Variants in FKBP9 observed in about 807,000 individuals in gnomAD.
The protein encoded by FKBP9 is FKBP prolyl isomerase 9, also known as peptidyl-prolyl cis-trans isomerase FKBP9.
A neutral mutation model predicts 55.6 loss-of-function variants in FKBP9; 27 were observed. The observed-to-expected ratio is 0.49, with a 90% CI of 0.36 to 0.67. The LOEUF is 0.67. FKBP9 is among the 30% of genes least tolerant of loss of function. FKBP9 has a pLI of 0.00. For missense variants in FKBP9, 539 were observed against 742.8 expected (o/e 0.73, Z 3.19); for synonymous variants, 267 against 296.5 (o/e 0.90, Z 1.02).
Position 33,006,877 on chromosome 7 carries a change from T to C in FKBP9, c.*1526T>C, listed in dbSNP as rs1785052047. ...ATGAAAATGCTGTGCACTCATTCCA[T>C]GGAATAAATGTTGGAAAGCTGATCT... On this transcript the variant is annotated 3_prime_UTR_variant, in exon 10 of 10. Transcript: ENST00000242209. 1 of 188,074 alleles carries C rather than the reference T, an allele frequency of 5.3e-6. No homozygotes were observed. The highest frequency in any genetic ancestry group is 1.9e-4 in the South Asian group (1 of 5,156). 11.7% of individuals were successfully genotyped at this position (188,074 alleles called of 1,614,324 possible).
chr7:32,958,048 G>A (rs192973933), intron 1 of FKBP9, among the ~76,000 whole-genome samples: 1 of 152,330 alleles, frequency 6.6e-6, no homozygotes, highest in Admixed American at 6.5e-5. Flanking sequence ...GGCAGACCAC[G>A]TCCTCCCTTT....
chr7:32,987,195 C>T (rs990020990), intron 5 of FKBP9, among the ~76,000 whole-genome samples: 6 of 152,010 alleles, frequency 3.9e-5, no homozygotes, highest in African/African-American at 1.4e-4. Context: ...GCTTTCCTGG[C>T]GATCGGAATC....
At chr7:32,998,334 AAG>A (rs1784857147) in intron 7 of FKBP9, among the ~76,000 whole-genome samples, 1 of 151,982 alleles carries the variant, frequency 6.6e-6, no homozygotes, top group Non-Finnish European at 1.5e-5. Context: ...AGGCTGAGGA[AAG>A]GGGAAGTGGG....
intron 5 of FKBP9, among the ~76,000 whole-genome samples, chr7:32,980,766 G>A (rs911327498): frequency 6.6e-6 from 1 of 151,306 alleles, no homozygotes; most frequent in African/African-American, 2.4e-5. Flanking sequence ...GTCTCGTTCT[G>A]TCATCCAGTG....
intron 5 of FKBP9, among the ~76,000 whole-genome samples, chr7:32,985,908 G>A (rs1341800838): frequency 6.6e-6 from 1 of 152,102 alleles, no homozygotes; most frequent in Non-Finnish European, 1.5e-5. Context: ...CAGGAGAATC[G>A]CTTGAACCCA....
rs184646728 is a variant in FKBP9, at chr7:32,983,326, T to C, written c.893+2773T>C. ...GGTGTGAGCCACTGCGCCCTGCCTT[T>C]TTTTTTGAGACAGTATCTTGCTTTG... On this transcript the variant is annotated intron_variant, in intron 5 of 9. Transcript: ENST00000242209. Among the ~76,000 whole-genome samples, 309 of 151,174 alleles carry C rather than the reference T, an allele frequency of 2.0e-3. 1 individual carries two copies. The highest frequency in any genetic ancestry group is 7.3e-3 in the African/African-American group (301 of 41,146).
intron 1 of FKBP9, among the ~76,000 whole-genome samples, chr7:32,962,438 G>A (rs943496946): frequency 8.5e-5 from 13 of 152,074 alleles, no homozygotes; most frequent in Admixed American, 5.9e-4. Context: ...CTCAATAACA[G>A]GGGTCAACTT....
At chr7:32,981,781 C>T (rs1239474701) in intron 5 of FKBP9, among the ~76,000 whole-genome samples, 2 of 151,248 alleles carry the variant, frequency 1.3e-5, no homozygotes, top group Non-Finnish European at 2.9e-5. Context: ...CCTGTAATCC[C>T]AGCTACTCAG....
At chr7:32,976,889 C>G (rs1306213034) in intron 4 of FKBP9, among the ~76,000 whole-genome samples, 1 of 152,200 alleles carries the variant, frequency 6.6e-6, no homozygotes, top group Non-Finnish European at 1.5e-5. Context: ...CCCTCTGCCC[C>G]TGTTGTACCT....
At position 32,974,738 on chromosome 7, in the gene FKBP9, C is replaced by T; in HGVS notation, c.343C>T (p.Leu115Phe). Reference sequence around the variant, plus strand: ...ACGTTTCGTGAAGATTCCCCCAAAGCTTGCCTACGGAAATGAAGGAGTTTG... The same window carrying T: ...ACGTTTCGTGAAGATTCCCCCAAAGTTTGCCTACGGAAATGAAGGAGTTTG... The part of the protein sequence containing the change: ...ERRFVKIPPK[L>F]AYGNEGVSGV... The change falls in exon 2 of 10, where the codon CTT (leucine) becomes TTT (phenylalanine). Residue 115 changes from leucine (L) to phenylalanine (F), a missense_variant. By Grantham distance (22) the Leu-to-Phe change is conservative. Coordinates refer to ENST00000242209, the MANE Select transcript of FKBP9 (RefSeq NM_007270.5). The T allele has an allele frequency of 6.2e-7, 1 of 1,613,814 alleles. No individual in the cohort carries two copies.
At position 32,980,462 on chromosome 7, in the gene FKBP9, C is replaced by T. The variant is rs762521049; in HGVS notation, c.802C>T (p.Pro268Ser). 4.3e-6 allele frequency: 7 copies of T among 1,613,686 alleles called. No individual in the cohort carries two copies. Among genetic ancestry groups the T allele is most frequent in the African/African-American group, 1.3e-5 (1 of 74,842 alleles). The part of the protein sequence containing the change: ...DSISIENKVV[P>S]ENCERISQSG... ...CATTTCCATTGAGAACAAGGTAGTA[C>T]CTGAAAACTGTGAGCGGATAAGTCA... is the stretch of plus-strand genomic sequence containing the variant. The change falls in exon 5 of 10, where the codon CCT (proline) becomes TCT (serine). Residue 268 changes from proline to serine, a missense_variant. Pro to Ser is a moderately conservative substitution (Grantham distance 74). Transcript: ENST00000242209.
In FKBP9 at chr7:32,957,812, C is replaced by T; in HGVS notation, c.221+18C>T. On this transcript the variant is annotated intron_variant, in intron 1 of 9. Coordinates refer to ENST00000242209, the MANE Select transcript of FKBP9 (RefSeq NM_007270.5). ...GACTCCAGGTACCGCGCCCTTGGCG[C>T]CCGGCGCGGCCTCAGCGGATGCGCG... 3 of 1,420,648 alleles carry T rather than the reference C, an allele frequency of 2.1e-6. No homozygotes were observed. The highest frequency in any genetic ancestry group is 3.0e-5 in the South Asian group (2 of 65,856). 88.0% of individuals were successfully genotyped at this position (1,420,648 alleles called of 1,614,324 possible).
chr7:32,983,538 C>T (rs1405927218), intron 5 of FKBP9, among the ~76,000 whole-genome samples: 1 of 152,026 alleles, frequency 6.6e-6, no homozygotes, highest in Non-Finnish European at 1.5e-5. Context: ...TGGTGTCAAA[C>T]TCCTGACCTC....
chr7:33,003,123 C>CT (rs1784963878), intron 9 of FKBP9, among the ~76,000 whole-genome samples: 1 of 152,206 alleles, frequency 6.6e-6, no homozygotes, highest in African/African-American at 2.4e-5. Flanking sequence ...CAATGCCTGC[C>CT]TGTATGTGCT....
intron 4 of FKBP9, among the ~76,000 whole-genome samples, chr7:32,978,618 A>G (rs1330485676): frequency 1.3e-5 from 2 of 151,948 alleles, no homozygotes; most frequent in Non-Finnish European, 2.9e-5. Flanking sequence ...TCAGCCTCCC[A>G]AAGCGCTGGG....
chr7:32,967,645 G>T (rs1314065304), intron 1 of FKBP9, among the ~76,000 whole-genome samples: 2 of 152,166 alleles, frequency 1.3e-5, no homozygotes, highest in African/African-American at 4.8e-5. Flanking sequence ...TGGACATTTA[G>T]ATTGCTTCTA....
intron 7 of FKBP9, among the ~76,000 whole-genome samples, chr7:32,996,856 G>A (rs1308048606): frequency 1.5e-5 from 2 of 130,902 alleles, no homozygotes; most frequent in Non-Finnish European, 3.2e-5. Flanking sequence ...CTGCAGTGGC[G>A]CAATCTTGGC....
Position 33,006,913 on chromosome 7 carries a change from A to G in FKBP9, c.*1562A>G, listed in dbSNP as rs1371624010. ...TTGGAAAGCTGATCTTTTCTGATAT[A>G]AAATGTTGAATGATATTATCTGGTT... On this transcript the variant is annotated 3_prime_UTR_variant, in exon 10 of 10. Transcript: ENST00000242209. 1 of 182,782 alleles carries G rather than the reference A, an allele frequency of 5.5e-6. No homozygotes were observed. The highest frequency in any genetic ancestry group is 2.4e-5 in the African/African-American group (1 of 42,508). 11.3% of individuals were successfully genotyped at this position (182,782 alleles called of 1,614,324 possible).
Position 32,957,804 on chromosome 7 carries a change from C to G in FKBP9, c.221+10C>G. Reference sequence around the variant, plus strand: ...AGAAGTTCGACTCCAGGTACCGCGCCCTTGGCGCCCGGCGCGGCCTCAGCG... The same window carrying G: ...AGAAGTTCGACTCCAGGTACCGCGCGCTTGGCGCCCGGCGCGGCCTCAGCG... On this transcript the variant is annotated intron_variant, in intron 1 of 9. Coordinates refer to ENST00000242209, the MANE Select transcript of FKBP9 (RefSeq NM_007270.5). The G allele has an allele frequency of 7.0e-7, 1 of 1,431,188 alleles. No individual in the cohort carries two copies. Among genetic ancestry groups the G allele is most frequent in the Non-Finnish European group, 9.1e-7 (1 of 1,095,420 alleles). The allele number at this position is 1,431,188 out of a possible 1,614,324, so 88.7% of individuals were successfully genotyped here. A position where few individuals can be genotyped will look rare whatever the true frequency, so the allele number is the denominator to read the frequency against.
Sources: gnomAD v4.1 joint callset for allele counts (sites outside exome capture counted in the v4.1 genomes callset) on GRCh38, gnomAD v4.1.1 for gene constraint, MANE v1.5 for transcripts, NCBI Gene and HGNC (gene_info 2026-07-23, HGNC 2026-07-21) for gene names.